Variants in SLC24A2 observed in about 807,000 individuals in gnomAD.
SLC24A2 encodes the protein sodium/potassium/calcium exchanger 2.
Under a neutral mutation model 62.0 loss-of-function variants are expected in SLC24A2, and 36 were observed. The observed-to-expected ratio is 0.58, with a 90% CI of 0.44 to 0.77. The LOEUF is 0.77. SLC24A2 is among the 30% of genes least tolerant of loss of function. The pLI, the probability that SLC24A2 is intolerant of heterozygous loss-of-function variation, is 0.00. For synonymous variants in SLC24A2, 358 were observed against 294.0 expected (o/e 1.22, Z -2.23); for missense variants, 846 against 817.9 (o/e 1.03, Z -0.42).
intron 9 of SLC24A2, among the ~76,000 whole-genome samples, chr9:19,521,984 T>C (rs1244827973): frequency 1.3e-5 from 2 of 152,178 alleles, no homozygotes; most frequent in Non-Finnish European, 2.9e-5. Context: ...GCAATTTGTT[T>C]GTCTTCTTGG....
the SLC24A2 span, among the ~76,000 whole-genome samples, chr9:20,100,329 G>A: frequency 6.6e-6 from 1 of 152,126 alleles, no homozygotes; most frequent in African/African-American, 2.4e-5. Flanking sequence ...CCAGAGTGCT[G>A]GCATTACAAG....
At chr9:20,053,142 GT>G in the SLC24A2 span, among the ~76,000 whole-genome samples, 1 of 152,264 alleles carries the variant, frequency 6.6e-6, no homozygotes, top group East Asian at 1.9e-4. Context: ...TGATGTGTTT[GT>G]TGATTTCTCG....
the SLC24A2 span, among the ~76,000 whole-genome samples, chr9:19,908,793 T>C: frequency 2.0e-5 from 3 of 152,188 alleles, no homozygotes; most frequent in South Asian, 6.2e-4. Flanking sequence ...TACCATCTCA[T>C]ACCAGTTAGA....
At chr9:20,100,143 C>A in the SLC24A2 span, among the ~76,000 whole-genome samples, 1 of 152,190 alleles carries the variant, frequency 6.6e-6, no homozygotes. Context: ...CCTGCCATAG[C>A]TGGGATGGCA....
chr9:19,818,446 C>T, the SLC24A2 span, among the ~76,000 whole-genome samples: 16 of 152,036 alleles, frequency 1.1e-4, no homozygotes, highest in Non-Finnish European at 1.8e-4. Flanking sequence ...TCGTTTACCC[C>T]GAAAACCCTA....
the SLC24A2 span, among the ~76,000 whole-genome samples, chr9:20,113,204 A>G: frequency 6.6e-6 from 1 of 152,124 alleles, no homozygotes; most frequent in Non-Finnish European, 1.5e-5. Flanking sequence ...TTCAAACCCC[A>G]TAGTTCTAGG....
intron 9 of SLC24A2, among the ~76,000 whole-genome samples, chr9:19,527,466 C>G (rs1205318908): frequency 6.6e-6 from 1 of 152,172 alleles, no homozygotes; most frequent in Non-Finnish European, 1.5e-5. Context: ...ACTCAATTAT[C>G]AATAGTTACC....
At chr9:20,048,979 C>T in the SLC24A2 span, among the ~76,000 whole-genome samples, 15 of 151,490 alleles carry the variant, frequency 9.9e-5, no homozygotes, top group African/African-American at 1.9e-4. Flanking sequence ...ATGTGCACAA[C>T]GTGCAGGTTT....
At chr9:19,674,519 T>G (rs1209096832) in intron 2 of SLC24A2, among the ~76,000 whole-genome samples, 1 of 152,230 alleles carries the variant, frequency 6.6e-6, no homozygotes, top group Admixed American at 6.5e-5. Context: ...TAGGTTTGGT[T>G]AACATAATCC....
chr9:19,955,741 C>G, the SLC24A2 span, among the ~76,000 whole-genome samples: 1 of 151,862 alleles, frequency 6.6e-6, no homozygotes, highest in Non-Finnish European at 1.5e-5. Flanking sequence ...CATCCTCTCC[C>G]AAAAAAAGGT....
chr9:20,123,423 A>G, the SLC24A2 span, among the ~76,000 whole-genome samples: 2 of 152,216 alleles, frequency 1.3e-5, no homozygotes, highest in Non-Finnish European at 1.5e-5. Context: ...TATTTTCTCT[A>G]CTTTTCAAAT....
At chr9:20,115,995 C>T in the SLC24A2 span, among the ~76,000 whole-genome samples, 18 of 152,256 alleles carry the variant, frequency 1.2e-4, no homozygotes, top group African/African-American at 4.3e-4. Flanking sequence ...AAATCTTAAG[C>T]AGCATTAAAC....
chr9:19,901,575 T>C, the SLC24A2 span, among the ~76,000 whole-genome samples: 277 of 152,232 alleles, frequency 1.8e-3, 1 homozygote, highest in Non-Finnish European at 3.4e-3. Context: ...GAACTATAAA[T>C]ATTCATGAAA....
intron 7 of SLC24A2, among the ~76,000 whole-genome samples, chr9:19,560,837 G>C (rs1176648923): frequency 6.6e-6 from 1 of 151,294 alleles, no homozygotes; most frequent in African/African-American, 2.4e-5. Context: ...GCCATAGAAA[G>C]ATCTCTATCT....
At chr9:19,682,618 C>G (rs1477507794) in intron 2 of SLC24A2, among the ~76,000 whole-genome samples, 1 of 152,226 alleles carries the variant, frequency 6.6e-6, no homozygotes, top group Admixed American at 6.5e-5. Flanking sequence ...TAGTGTGACA[C>G]AGCAATAATA....
chr9:19,612,070 A>G (rs1399098280), intron 4 of SLC24A2, among the ~76,000 whole-genome samples: 2 of 152,180 alleles, frequency 1.3e-5, no homozygotes, highest in African/African-American at 4.8e-5. Flanking sequence ...CTATAAAATG[A>G]GGATAACAGA....
At chr9:20,069,998 G>A in the SLC24A2 span, among the ~76,000 whole-genome samples, 12 of 151,984 alleles carry the variant, frequency 7.9e-5, no homozygotes, top group Non-Finnish European at 1.3e-4. Flanking sequence ...TTATGCCACC[G>A]TCTTCATCAG....
chr9:19,663,190 AT>A (rs918538995), intron 2 of SLC24A2, among the ~76,000 whole-genome samples: 4 of 152,158 alleles, frequency 2.6e-5, no homozygotes, highest in Non-Finnish European at 4.4e-5. Flanking sequence ...CATTTTACAG[AT>A]TAGGAAAAAG....
the SLC24A2 span, among the ~76,000 whole-genome samples, chr9:19,819,637 G>A: frequency 6.6e-6 from 1 of 152,004 alleles, no homozygotes; most frequent in Middle Eastern, 3.2e-3. Context: ...TCGGGGAACT[G>A]CAAATCAAAA....
Sources: allele counts gnomAD v4.1 joint callset (sites outside exome capture counted in the v4.1 genomes callset), GRCh38; gene constraint gnomAD v4.1.1; transcripts MANE v1.5; gene names NCBI Gene and HGNC (gene_info 2026-07-23, HGNC 2026-07-21).